The following AADACL4 variants were observed in gnomAD, a reference collection of about 807,000 sequenced individuals.
The protein encoded by AADACL4 is arylacetamide deacetylase-like 4.
In AADACL4, 9 loss-of-function variants were observed where a neutral mutation model predicts 14.1. That is an observed-to-expected ratio of 0.64 (90% CI 0.39 to 1.12). The LOEUF (loss-of-function observed/expected upper bound fraction) is 1.12, where lower values mean the gene tolerates loss of function less well. AADACL4 is among the 50% of genes most tolerant of loss of function. The pLI is 0.01. For missense variants in AADACL4, 531 were observed against 516.1 expected, an observed-to-expected ratio of 1.03 and a Z score of -0.28; for synonymous variants, 188 against 201.6, an observed-to-expected ratio of 0.93 and a Z score of 0.57.
At chr1:12,644,769 G>C (rs551245867) in intron 1 of AADACL4, 55 bp downstream of exon 1, 6 of 1,560,320 alleles carry the variant, frequency 3.8e-6, no homozygotes, top group African/African-American at 1.4e-5. Flanking sequence ...CTTGTTCTCA[G>C]TACCTTACCC....
intron 2 of AADACL4, among the ~76,000 whole-genome samples, chr1:12,655,314 T>G (rs764430141): frequency 4.6e-5 from 7 of 151,966 alleles, no homozygotes; most frequent in Non-Finnish European, 8.8e-5. Context: ...ATTACGAAAT[T>G]AATATTTTTA....
chr1:12,655,638 G>C (rs1028119462), intron 2 of AADACL4, among the ~76,000 whole-genome samples: 2 of 152,060 alleles, frequency 1.3e-5, no homozygotes, highest in Non-Finnish European at 2.9e-5. Context: ...CCCTCTGGGT[G>C]ACCCTGGGTT....
At chr1:12,646,683 CA>C (rs1472012503) in intron 1 of AADACL4, among the ~76,000 whole-genome samples, 1 of 152,186 alleles carries the variant, frequency 6.6e-6, no homozygotes, top group Non-Finnish European at 1.5e-5. Context: ...TGTTTCTCCT[CA>C]AAAGTAGCCC....
chr1:12,658,143 T>C (rs61502425), intron 2 of AADACL4, among the ~76,000 whole-genome samples: 923 of 89,962 alleles, frequency 0.01, 7 homozygotes, highest in African/African-American at 0.028. Flanking sequence ...TTCCTTCCTT[T>C]CTTTCTTTCT....
At chr1:12,658,721 T>A (rs539241703) in intron 2 of AADACL4, among the ~76,000 whole-genome samples, 10 of 117,926 alleles carry the variant, frequency 8.5e-5, no homozygotes, top group Non-Finnish European at 1.7e-4. Context: ...GTACACCCCG[T>A]GCACTGATAC....
Position 12,644,602 on chromosome 1 carries a change from T to A in AADACL4, c.56T>A (p.Val19Asp). 6.2e-7 allele frequency: 1 copy of A among 1,613,948 alleles called. No homozygotes were observed. The highest frequency in any genetic ancestry group is 2.2e-5 in the East Asian group (1 of 44,852). The stretch of plus-strand genomic sequence containing the variant: ...GCATTGCCCATCTTTTTCCTGGGGG[T>A]CTTTGTCTGGGCTGTCTTTGAGCAC... ...LLALPIFFLG[V>D]FVWAVFEHFL... The change falls in exon 1 of 4, where the codon GTC (valine) becomes GAC (aspartate). Residue 19 changes from valine to aspartate, a missense_variant. Physicochemically the swap from Val to Asp is radical, Grantham distance 152. Coordinates refer to ENST00000376221, the MANE Select transcript of AADACL4 (RefSeq NM_001013630.2).
Position 12,644,838 on chromosome 1 carries a change from C to T in AADACL4, c.168+124C>T, listed in dbSNP as rs1410699091. The T allele has an allele frequency of 7.4e-6, 8 of 1,076,668 alleles. No individual in the cohort carries two copies. The East Asian group carries it at 1.7e-4, about 22-fold the overall frequency. The allele number at this position is 1,076,668 out of a possible 1,614,324, so 66.7% of individuals were successfully genotyped here. On this transcript the variant is annotated intron_variant, in intron 1 of 3. Transcript: ENST00000376221. Reference sequence around the variant, plus strand: ...TCTCTTCGGACTCCCTCAAGATAGACTTGTCTCTTCTGTATCTGCTATTCT... The same window carrying T: ...TCTCTTCGGACTCCCTCAAGATAGATTTGTCTCTTCTGTATCTGCTATTCT...
chr1:12,653,318 A>G (rs1488039396), intron 2 of AADACL4, among the ~76,000 whole-genome samples: 2 of 152,244 alleles, frequency 1.3e-5, no homozygotes, highest in Non-Finnish European at 2.9e-5. Context: ...AGAAGACATA[A>G]ACTTTACAAA....
At chr1:12,647,974 T>G (rs539410733) in intron 1 of AADACL4, among the ~76,000 whole-genome samples, 4 of 151,640 alleles carry the variant, frequency 2.6e-5, no homozygotes, top group African/African-American at 4.8e-5. Context: ...GCTTTTCTGT[T>G]TTTGTTTTTG....
rs1408147395 is a variant in AADACL4 at position 12,644,589 on chromosome 1, T to C, written c.43T>C (p.Phe15Leu). 1.2e-6 allele frequency: 2 copies of C among 1,613,960 alleles called. No individual in the cohort carries two copies. Among genetic ancestry groups the C allele is most frequent in the Non-Finnish European group, 1.7e-6 (2 of 1,179,978 alleles). ...WLVLLLALPIFFLGVFVWAVF... is the reference protein window; with the variant it reads ...WLVLLLALPILFLGVFVWAVF... ...AGTGCTACTCTTGGCATTGCCCATC[T>C]TTTTCCTGGGGGTCTTTGTCTGGGC... Residue 15 changes from phenylalanine to leucine, a missense_variant, in exon 1 of 4, where the codon TTT (phenylalanine) becomes CTT (leucine). Transcript: ENST00000376221.
At chr1:12,656,816 C>T (rs958142701) in intron 2 of AADACL4, among the ~76,000 whole-genome samples, 24 of 152,238 alleles carry the variant, frequency 1.6e-4, no homozygotes, top group Middle Eastern at 3.4e-3. Context: ...TCATTAGCCT[C>T]GTGTCAGGGA....
chr1:12,656,685 C>T (rs60388193), intron 2 of AADACL4, among the ~76,000 whole-genome samples: 6,415 of 152,200 alleles, frequency 0.042, 423 homozygotes, highest in African/African-American at 0.14. Flanking sequence ...TTCCAACTAG[C>T]GTCAGTGTAT....
At chr1:12,663,958 A>G (rs1252502678) in intron 3 of AADACL4, among the ~76,000 whole-genome samples, 1 of 152,234 alleles carries the variant, frequency 6.6e-6, no homozygotes, top group African/African-American at 2.4e-5. Context: ...GATGGGCACT[A>G]AATTATGCTG....
chr1:12,646,582 A>T (rs17424864), intron 1 of AADACL4, among the ~76,000 whole-genome samples: 3,904 of 152,322 alleles, frequency 0.026, 87 homozygotes, highest in South Asian at 0.072. Flanking sequence ...TGCAATCCAC[A>T]TGGAGTTACT....
intron 2 of AADACL4, among the ~76,000 whole-genome samples, chr1:12,654,327 T>G (rs908506303): frequency 1.3e-5 from 2 of 152,248 alleles, no homozygotes; most frequent in African/African-American, 4.8e-5. Context: ...AATTAGAGGT[T>G]GCAGTCTTTG....
rs143888091 is a variant in AADACL4 at position 12,658,033 on chromosome 1, T to TTTCCTTCC, written c.386-3739_386-3732dup. On this transcript the variant is annotated intron_variant, in intron 2 of 3. Transcript: ENST00000376221. ...CTCTCTCTCTCTTTCTTTCTCTTTC[T>TTTCCTTCC]TTCCTTCCTTCCTTCCTTCCTTCCT... Among the ~76,000 whole-genome samples the TTTCCTTCC allele has an allele frequency of 1.2e-3, 171 of 147,742 alleles. 1 individual carries two copies. Among genetic ancestry groups the TTTCCTTCC allele is most frequent in the East Asian group, 2.8e-3 (14 of 5,076 alleles).
Position 12,666,354 on chromosome 1 carries a change from C to A in AADACL4, c.843C>A (p.Tyr281Ter). 4 of 1,614,124 alleles carry A rather than the reference C, an allele frequency of 2.5e-6. No individual in the cohort carries two copies. Among genetic ancestry groups the A allele is most frequent in the East Asian group, 2.2e-5 (1 of 44,888 alleles). ...TACCCCCAGACGTCTGGAGGAAGTA[C>A]GAGAAGTGGCTCAGCCCTGACAACA... Reference protein sequence around the residue: ...TCVPPDVWRKYEKWLSPDNIP... With the variant: ...TCVPPDVWRK Residue 281 changes from tyrosine to a stop codon, truncating the protein, a stop_gained, in exon 4 of 4, where the codon TAC (tyrosine) becomes TAA (stop). Coordinates refer to ENST00000376221, the MANE Select transcript of AADACL4 (RefSeq NM_001013630.2). LOFTEE classifies it low-confidence loss of function (END_TRUNC).
At chr1:12,645,338 C>T (rs1009395648) in intron 1 of AADACL4, among the ~76,000 whole-genome samples, 1 of 143,296 alleles carries the variant, frequency 7.0e-6, no homozygotes, top group Non-Finnish European at 1.5e-5. Context: ...CTTCCTCTCT[C>T]CTGCTCTCTC....
chr1:12,657,177 A>AAAC (rs1429263873), intron 2 of AADACL4, among the ~76,000 whole-genome samples: 14 of 151,834 alleles, frequency 9.2e-5, no homozygotes, highest in Non-Finnish European at 2.1e-4. Context: ...CAAACAAACA[A>AAAC]AACCCCAAAC....
Sources: gnomAD v4.1 joint callset for allele counts (sites outside exome capture counted in the v4.1 genomes callset) on GRCh38, gnomAD v4.1.1 for gene constraint, MANE v1.5 for transcripts, NCBI Gene and HGNC (gene_info 2026-07-23, HGNC 2026-07-21) for gene names.